The following CDKL4 variants were observed in gnomAD, a reference collection of about 807,000 sequenced individuals.
CDKL4 encodes the protein cyclin-dependent kinase-like 4.
A neutral mutation model predicts 42.0 loss-of-function variants in CDKL4; 44 were observed. That is an observed-to-expected ratio of 1.05 (90% confidence interval 0.82 to 1.35). The LOEUF (loss-of-function observed/expected upper bound fraction) is 1.35, where lower values mean the gene tolerates loss of function less well. Ranked by LOEUF, CDKL4 falls within the 40% of genes most tolerant of loss-of-function variation. The pLI is 0.00. For synonymous variants in CDKL4, 120 were observed against 121.6 expected (o/e 0.99, Z 0.09); for missense variants, 393 against 369.9 (o/e 1.06, Z -0.51).
intron 8 of CDKL4, among the ~76,000 whole-genome samples, chr2:39,183,592 T>A (rs971078883): frequency 6.6e-6 from 1 of 152,132 alleles, no homozygotes. Context: ...CATCTGAGAA[T>A]TCGTTGGGCT....
At chr2:39,180,292 AAG>A (rs1230144830) in intron 8 of CDKL4, among the ~76,000 whole-genome samples, 2 of 152,240 alleles carry the variant, frequency 1.3e-5, no homozygotes, top group African/African-American at 4.8e-5. Flanking sequence ...CTTCCATCAT[AAG>A]AGAGAAATAA....
chr2:39,235,701 T>C (rs886712895), intron 1 of CDKL4, among the ~76,000 whole-genome samples: 4 of 152,164 alleles, frequency 2.6e-5, no homozygotes, highest in African/African-American at 9.7e-5. Flanking sequence ...ACTGTAGAAC[T>C]ATGATCATGC....
At chr2:39,201,765 A>G (rs1676865966) in intron 5 of CDKL4, among the ~76,000 whole-genome samples, 1 of 152,176 alleles carries the variant, frequency 6.6e-6, no homozygotes, top group African/African-American at 2.4e-5. Context: ...CTATGTTCCA[A>G]TAAGTGGGAG....
rs1679682261 is a variant in CDKL4 at position 39,241,970 on chromosome 2, A to C, written c.-57+1901T>G. Among the ~76,000 whole-genome samples, 5 of 152,328 alleles carry C rather than the reference A, an allele frequency of 3.3e-5. No individual in the cohort carries two copies. The South Asian group carries it at 1.0e-3, about 32-fold the overall frequency. On this transcript the variant is annotated intron_variant, in intron 1 of 9. Transcript: ENST00000451199. ...TAATACAGTACTTGGACAAGAAATCAAGATTAAATGGTGATATAGCTATTG... is the reference window on the plus strand; with the variant it reads ...TAATACAGTACTTGGACAAGAAATCCAGATTAAATGGTGATATAGCTATTG...
chr2:39,181,776 G>C (rs1195192425), intron 8 of CDKL4, among the ~76,000 whole-genome samples: 1 of 152,126 alleles, frequency 6.6e-6, no homozygotes, highest in Non-Finnish European at 1.5e-5. Context: ...ACAAGTGAAA[G>C]AATGCCTGGG....
intron 5 of CDKL4, among the ~76,000 whole-genome samples, chr2:39,190,752 T>TG (rs35957341): frequency 6.6e-6 from 1 of 152,066 alleles, no homozygotes. Flanking sequence ...GTGATAGGGA[T>TG]GGGGGGAATG....
intron 9 of CDKL4, 135 bp from the exon 10 acceptor site, chr2:39,176,231 G>T: frequency 3.0e-6 from 1 of 331,176 alleles, no homozygotes. Context: ...TTAAAATTAA[G>T]TAGGGTTACC....
chr2:39,235,986 TG>T (rs1679349128), intron 1 of CDKL4, among the ~76,000 whole-genome samples: 2 of 152,066 alleles, frequency 1.3e-5, no homozygotes, highest in Admixed American at 1.3e-4. Context: ...ACTCAGATGT[TG>T]GATTTAGCTG....
At chr2:39,220,890 C>T (rs949235785) in intron 3 of CDKL4, among the ~76,000 whole-genome samples, 14 of 137,102 alleles carry the variant, frequency 1.0e-4, no homozygotes, top group Admixed American at 3.7e-4. Context: ...CCTGGCCCAA[C>T]TCTTCTTTAT....
At chr2:39,245,456 C>T (rs1166172306), upstream of CDKL4, among the ~76,000 whole-genome samples, 2 of 152,146 alleles carry the variant, frequency 1.3e-5, no homozygotes, top group African/African-American at 4.8e-5. Flanking sequence ...TAACACTCAC[C>T]GCGAGGGTCC....
At chr2:39,205,009 T>A (rs1677077906) in intron 4 of CDKL4, among the ~76,000 whole-genome samples, 1 of 151,870 alleles carries the variant, frequency 6.6e-6, no homozygotes, top group Non-Finnish European at 1.5e-5. Flanking sequence ...TGAGACCCTG[T>A]CTCTACAAAA....
At chr2:39,178,919 G>T in intron 9 of CDKL4, 1 of 1,448,102 alleles carries the variant, frequency 6.9e-7, no homozygotes, top group Non-Finnish European at 9.1e-7. Context: ...CGATCTTGTG[G>T]GTGGGATATC....
chr2:39,238,837 C>T (rs868667616), intron 1 of CDKL4, among the ~76,000 whole-genome samples: 13 of 152,140 alleles, frequency 8.5e-5, no homozygotes, highest in South Asian at 2.1e-4. Flanking sequence ...CTGCAACCTC[C>T]GTCTCCTGGG....
intron 2 of CDKL4, among the ~76,000 whole-genome samples, chr2:39,228,990 T>G (rs1290704345): frequency 6.6e-6 from 1 of 152,118 alleles, no homozygotes; most frequent in Non-Finnish European, 1.5e-5. Context: ...AGGGCATTGG[T>G]GCGGTCCTGT....
At chr2:39,171,037 G>A (rs534482010), downstream of CDKL4, among the ~76,000 whole-genome samples, 12 of 151,870 alleles carry the variant, frequency 7.9e-5, 1 homozygote, top group South Asian at 2.1e-3. Context: ...TGAGGAGTTC[G>A]AGACCAGCCT....
rs183748616 is a variant in CDKL4 at position 39,177,837 on chromosome 2, C to T, written c.927+1350G>A. Among the ~76,000 whole-genome samples, 250 of 151,594 alleles carry T rather than the reference C, an allele frequency of 1.6e-3. 5 individuals carry two copies. The East Asian group carries it at 0.022, about 14-fold the overall frequency. On this transcript the variant is annotated intron_variant, in intron 9 of 9. Transcript: ENST00000451199. ...CCAAGGAGCTGGGATTACAGGCGCC[C>T]GCCACCACACCCGGCTAATTTTTGT... is the stretch of plus-strand genomic sequence containing the variant.
intron 3 of CDKL4, among the ~76,000 whole-genome samples, chr2:39,223,947 T>A (rs868841): frequency 6.6e-6 from 1 of 152,098 alleles, no homozygotes; most frequent in Non-Finnish European, 1.5e-5. Flanking sequence ...GAAGGTAAGG[T>A]GAGGCTCCTT....
chr2:39,225,497 A>G (rs13414821), intron 3 of CDKL4, among the ~76,000 whole-genome samples: 39,037 of 152,086 alleles, frequency 0.26, 6,234 homozygotes, highest in Non-Finnish European at 0.36. Context: ...CAAATTTTCA[A>G]ATTTATCAAT....
At chr2:39,217,356 G>A (rs1287105916) in intron 3 of CDKL4, among the ~76,000 whole-genome samples, 1 of 152,134 alleles carries the variant, frequency 6.6e-6, no homozygotes, top group Non-Finnish European at 1.5e-5. Flanking sequence ...ACAAGATAGG[G>A]TAACATGATG....
Sources: allele counts gnomAD v4.1 joint callset (sites outside exome capture counted in the v4.1 genomes callset), GRCh38; gene constraint gnomAD v4.1.1; transcripts MANE v1.5; gene names NCBI Gene and HGNC (gene_info 2026-07-23, HGNC 2026-07-21).